The following WWC2 variants were observed in gnomAD, a reference collection of about 807,000 sequenced individuals.
WWC2 encodes WW and C2 domain containing 2, also known as protein WWC2.
Under a neutral mutation model 138.5 loss-of-function variants are expected in WWC2, and 101 were observed. That is an observed-to-expected ratio of 0.73 (90% CI 0.62 to 0.86). The LOEUF is 0.86. Ranked by LOEUF, WWC2 falls within the 40% of genes least tolerant of loss-of-function variation. The pLI, the probability that WWC2 is intolerant of heterozygous loss-of-function variation, is 0.00. For synonymous variants in WWC2, 558 were observed against 538.4 expected, an observed-to-expected ratio of 1.04 and a Z score of -0.50; for missense variants, 1,420 against 1,419.4, an observed-to-expected ratio of 1.00 and a Z score of -0.01.
At position 183,204,584 on chromosome 4, in the gene WWC2, A is replaced by G. The variant is rs371779477; in HGVS notation, c.242-3369A>G. Among the ~76,000 whole-genome samples, 70 of 152,316 alleles carry G rather than the reference A, an allele frequency of 4.6e-4. 1 individual carries two copies. In the East Asian group the frequency reaches 9.4e-3, roughly 21 times the overall value. ...CATCAGTCATTCATTTGAACCTTGT[A>G]AAGCATATTTTAATAATAAACTGTA... On this transcript the variant is annotated intron_variant, in intron 2 of 22. Transcript: ENST00000403733.
intron 1 of WWC2, among the ~76,000 whole-genome samples, chr4:183,187,766 G>A (rs1374619698): frequency 1.3e-5 from 2 of 150,044 alleles, no homozygotes; most frequent in East Asian, 2.0e-4. Flanking sequence ...CTAGCTACTT[G>A]GGAGGCTGAG....
chr4:183,198,364 A>G (rs1735200855), intron 2 of WWC2, among the ~76,000 whole-genome samples: 1 of 152,126 alleles, frequency 6.6e-6, no homozygotes. Context: ...TGATACACAC[A>G]TGCACATATA....
Position 183,320,174 on chromosome 4 carries a change from T to C in WWC2, c.*4445T>C. The C allele has an allele frequency of 1.9e-6, 3 of 1,614,140 alleles. No individual in the cohort carries two copies. The highest frequency in any genetic ancestry group is 2.5e-6 in the Non-Finnish European group (3 of 1,180,020). ...ATAAAACCCATCCCAGCAAAGATAA[T>C]GAAACTCCAGCTAGTTGAGCTACAG... is the stretch of plus-strand genomic sequence containing the variant. On this transcript the variant is annotated 3_prime_UTR_variant, in exon 23 of 23. Coordinates refer to ENST00000403733, the MANE Select transcript of WWC2 (RefSeq NM_024949.6).
At chr4:183,101,608 T>C (rs1743183398) in intron 1 of WWC2, among the ~76,000 whole-genome samples, 1 of 152,230 alleles carries the variant, frequency 6.6e-6, no homozygotes, top group South Asian at 2.1e-4. Flanking sequence ...TAAATTTGAT[T>C]ATATTTTCTT....
intron 1 of WWC2, among the ~76,000 whole-genome samples, chr4:183,189,305 C>T (rs935722791): frequency 4.6e-5 from 7 of 151,710 alleles, no homozygotes; most frequent in African/African-American, 9.7e-5. Context: ...GGCGTGGTGG[C>T]GGGCGCCTGC....
chr4:183,128,012 A>C (rs1732810776), intron 1 of WWC2, among the ~76,000 whole-genome samples: 1 of 151,784 alleles, frequency 6.6e-6, no homozygotes, highest in African/African-American at 2.4e-5. Flanking sequence ...GTTCAAGACC[A>C]ACCTGGGCAA....
intron 19 of WWC2, among the ~76,000 whole-genome samples, chr4:183,285,341 A>G (rs1324974762): frequency 6.6e-6 from 1 of 152,226 alleles, no homozygotes; most frequent in Non-Finnish European, 1.5e-5. Context: ...GCTCTGCTTC[A>G]TGCAGACCTT....
chr4:183,242,955 G>C (rs1467122167), intron 5 of WWC2, among the ~76,000 whole-genome samples: 1 of 152,042 alleles, frequency 6.6e-6, no homozygotes, highest in African/African-American at 2.4e-5. Context: ...GAAAAAGGCA[G>C]CACTTAAAGT....
At chr4:183,207,769 G>A (rs777066681) in intron 2 of WWC2, among the ~76,000 whole-genome samples, 184 bp from the exon 3 acceptor site, 1 of 152,162 alleles carries the variant, frequency 6.6e-6, no homozygotes, top group Non-Finnish European at 1.5e-5. Context: ...TCAGAACCTG[G>A]AAGAGGAAGG....
chr4:183,312,594 G>A, intron 22 of WWC2, 126 bp downstream of exon 22: 1 of 1,371,808 alleles, frequency 7.3e-7, no homozygotes. Flanking sequence ...TCTCTACCTT[G>A]AATATATAAT....
chr4:183,176,024 G>A (rs1734458918), intron 1 of WWC2, among the ~76,000 whole-genome samples: 1 of 152,214 alleles, frequency 6.6e-6, no homozygotes, highest in African/African-American at 2.4e-5. Flanking sequence ...TTGAGTCTAA[G>A]CTCAAAGGGC....
chr4:183,208,276 T>C, intron 3 of WWC2, 120 bp downstream of exon 3: 1 of 1,096,886 alleles, frequency 9.1e-7, no homozygotes, highest in South Asian at 1.6e-5. Flanking sequence ...GCAGGAAGAG[T>C]CTCTCAAAAC....
intron 1 of WWC2, among the ~76,000 whole-genome samples, chr4:183,189,274 A>G (rs1035809686): frequency 6.6e-6 from 1 of 151,732 alleles, no homozygotes; most frequent in Non-Finnish European, 1.5e-5. Flanking sequence ...GTCTCTACTA[A>G]AAATACAAAA....
At chr4:183,284,677 G>C (rs983911896) in intron 19 of WWC2, among the ~76,000 whole-genome samples, 3 of 152,094 alleles carry the variant, frequency 2.0e-5, no homozygotes, top group Admixed American at 1.3e-4. Context: ...TTTGGACTTC[G>C]GTCTGTATTT....
chr4:183,101,780 AG>A (rs1452654358), intron 1 of WWC2, among the ~76,000 whole-genome samples: 2 of 152,232 alleles, frequency 1.3e-5, no homozygotes, highest in Admixed American at 1.3e-4. Flanking sequence ...ATTCTTCTGC[AG>A]GATCAACTTA....
Position 183,280,842 on chromosome 4 carries a change from C to T in WWC2, c.2629C>T (p.Gln877Ter), listed in dbSNP as rs1553976277. ...GTTAGCTGTGGAACAAGAATTAGCA[C>T]AAGAAGAAGAAGAAGAATCAGGACA... ...ELLAVEQELA[Q>*]EEEEESGQEE... Residue 877 changes from glutamine (Q) to a stop codon, truncating the protein, a stop_gained, in exon 17 of 23, where the codon CAA becomes TAA. Coordinates refer to ENST00000403733, the MANE Select transcript of WWC2 (RefSeq NM_024949.6). LOFTEE classifies it high-confidence loss of function. The T allele has an allele frequency of 6.3e-7, 1 of 1,594,506 alleles. No homozygotes were observed. Among genetic ancestry groups the T allele is most frequent in the Non-Finnish European group, 8.5e-7 (1 of 1,170,096 alleles).
chr4:183,147,073 G>T (rs1733483246), intron 1 of WWC2, among the ~76,000 whole-genome samples: 1 of 152,196 alleles, frequency 6.6e-6, no homozygotes, highest in Non-Finnish European at 1.5e-5. Context: ...CCATGAACAA[G>T]CTCACAGGTG....
chr4:183,303,271 T>C (rs1482142390), intron 21 of WWC2, among the ~76,000 whole-genome samples: 2 of 152,166 alleles, frequency 1.3e-5, no homozygotes, highest in Non-Finnish European at 2.9e-5. Flanking sequence ...TAGACAGTTG[T>C]CAGAAATAAA....
chr4:183,160,931 A>G (rs1373784627), intron 1 of WWC2, among the ~76,000 whole-genome samples: 1 of 152,200 alleles, frequency 6.6e-6, no homozygotes, highest in Admixed American at 6.5e-5. Context: ...TGTAAGATCG[A>G]GAAGTAGCTT....
Sources: allele counts gnomAD v4.1 joint callset (sites outside exome capture counted in the v4.1 genomes callset), GRCh38; gene constraint gnomAD v4.1.1; transcripts MANE v1.5; gene names NCBI Gene and HGNC (gene_info 2026-07-23, HGNC 2026-07-21).